Variants in PLPPR1 observed in about 807,000 individuals in gnomAD.
PLPPR1 encodes phospholipid phosphatase-related protein type 1.
A neutral mutation model predicts 33.1 loss-of-function variants in PLPPR1; 10 were observed. The observed-to-expected ratio is 0.30, with a 90% CI of 0.19 to 0.51. The LOEUF is 0.51. PLPPR1 is among the 20% of genes least tolerant of loss of function. The pLI, the probability that PLPPR1 is intolerant of heterozygous loss-of-function variation, is 0.97. For synonymous variants in PLPPR1, 151 were observed against 151.0 expected (o/e 1.00, Z 0.00); for missense variants, 304 against 408.1 (o/e 0.74, Z 2.20).
chr9:101,208,638 T>G (rs1826631569), intron 2 of PLPPR1, among the ~76,000 whole-genome samples: 1 of 152,236 alleles, frequency 6.6e-6, no homozygotes, highest in Non-Finnish European at 1.5e-5. Context: ...TATAATATCC[T>G]TGGGGTAGAA....
At chr9:101,071,497 T>C (rs553744282) in intron 1 of PLPPR1, among the ~76,000 whole-genome samples, 6 of 152,056 alleles carry the variant, frequency 3.9e-5, no homozygotes, top group African/African-American at 1.4e-4. Flanking sequence ...GTGCCAGACA[T>C]AGTGTCAGCT....
intron 3 of PLPPR1, among the ~76,000 whole-genome samples, chr9:101,273,465 A>G (rs1289393401): frequency 6.6e-6 from 1 of 152,158 alleles, no homozygotes; most frequent in East Asian, 1.9e-4. Context: ...TGTAGCCCCC[A>G]TTCACCTGAG....
intron 1 of PLPPR1, among the ~76,000 whole-genome samples, chr9:101,134,633 C>A (rs533833890): frequency 2.9e-4 from 44 of 152,268 alleles, no homozygotes; most frequent in Admixed American, 5.9e-4. Context: ...ATTTGCCCAC[C>A]TCAGCCTCCC....
intron 1 of PLPPR1, among the ~76,000 whole-genome samples, chr9:101,136,326 A>G (rs534935522): frequency 7.2e-5 from 11 of 152,346 alleles, no homozygotes; most frequent in Non-Finnish European, 1.2e-4. Context: ...GGTCAGTATT[A>G]GAGTTGAGAG....
intron 7 of PLPPR1, 78 bp from the exon 8 acceptor site, chr9:101,323,947 G>C: frequency 3.2e-6 from 4 of 1,242,686 alleles, no homozygotes; most frequent in Non-Finnish European, 4.7e-6. Flanking sequence ...CAAAACAAGG[G>C]AATATTTAGG....
intron 4 of PLPPR1, among the ~76,000 whole-genome samples, chr9:101,286,667 G>T (rs78917859): frequency 1.3e-5 from 2 of 152,106 alleles, no homozygotes; most frequent in Non-Finnish European, 1.5e-5. Flanking sequence ...CAGCCATCAG[G>T]TTCTTGAAAA....
intron 2 of PLPPR1, among the ~76,000 whole-genome samples, chr9:101,195,629 T>C (rs1459038323): frequency 6.6e-6 from 1 of 152,104 alleles, no homozygotes; most frequent in Non-Finnish European, 1.5e-5. Context: ...TCTGAATACC[T>C]GTCATTCCAA....
intron 2 of PLPPR1, among the ~76,000 whole-genome samples, chr9:101,248,912 G>T (rs1019035395): frequency 1.3e-5 from 2 of 151,976 alleles, no homozygotes; most frequent in African/African-American, 4.8e-5. Context: ...CTCAAAAAGT[G>T]GTCTTAAGAT....
intron 2 of PLPPR1, among the ~76,000 whole-genome samples, chr9:101,232,370 G>A (rs561016228): frequency 2.4e-4 from 37 of 151,910 alleles, no homozygotes; most frequent in Non-Finnish European, 3.7e-4. Flanking sequence ...GGGACAACTG[G>A]GCAACTGGGC....
chr9:101,304,898 A>T (rs1000931380), intron 4 of PLPPR1, among the ~76,000 whole-genome samples: 1 of 152,160 alleles, frequency 6.6e-6, no homozygotes, highest in Non-Finnish European at 1.5e-5. Flanking sequence ...ACGTGGATCT[A>T]GTCCTCTTGG....
chr9:101,134,474 C>G (rs1831353713), intron 1 of PLPPR1, among the ~76,000 whole-genome samples: 1 of 151,792 alleles, frequency 6.6e-6, no homozygotes, highest in South Asian at 2.1e-4. Context: ...CCTCTGCCTC[C>G]TGGGCTCAAG....
intron 2 of PLPPR1, among the ~76,000 whole-genome samples, chr9:101,255,592 T>C (rs995410148): frequency 4.6e-5 from 7 of 152,206 alleles, no homozygotes; most frequent in Admixed American, 3.9e-4. Context: ...GATGTAATTA[T>C]TTCCATTTTT....
At chr9:101,157,048 A>T (rs868337793) in intron 1 of PLPPR1, among the ~76,000 whole-genome samples, 42 of 152,326 alleles carry the variant, frequency 2.8e-4, no homozygotes, top group African/African-American at 9.4e-4. Context: ...CCTGGAGATA[A>T]GGAACATAAA....
At chr9:101,203,718 T>TTATATAGATATGTTATATATCTATA (rs1826535710) in intron 2 of PLPPR1, among the ~76,000 whole-genome samples, 4 of 144,982 alleles carry the variant, frequency 2.8e-5, no homozygotes, top group African/African-American at 5.0e-5. Flanking sequence ...TATATACACA[T>TTATATAGATATGTTATATATCTATA]TATATAGATA....
intron 1 of PLPPR1, among the ~76,000 whole-genome samples, chr9:101,057,730 G>A (rs1830294840): frequency 6.6e-6 from 1 of 152,158 alleles, no homozygotes; most frequent in Admixed American, 6.5e-5. Context: ...TAAATAAGAA[G>A]CCTGGAGGTT....
intron 1 of PLPPR1, among the ~76,000 whole-genome samples, chr9:101,149,600 T>G (rs1186403256): frequency 6.6e-6 from 1 of 152,200 alleles, no homozygotes; most frequent in Non-Finnish European, 1.5e-5. Flanking sequence ...CTTTAGAATT[T>G]TATCCATGGT....
intron 4 of PLPPR1, among the ~76,000 whole-genome samples, chr9:101,292,397 T>C (rs1031909502): frequency 1.3e-5 from 2 of 152,114 alleles, no homozygotes; most frequent in Non-Finnish European, 2.9e-5. Flanking sequence ...ACTTCCCCAA[T>C]CTAGCAAGGC....
chr9:101,160,537 C>T (rs975653959), intron 1 of PLPPR1, among the ~76,000 whole-genome samples: 2 of 152,064 alleles, frequency 1.3e-5, no homozygotes, highest in African/African-American at 4.8e-5. Flanking sequence ...AAAATAAAGA[C>T]TATATATTCC....
At chr9:101,170,097 T>C (rs1825918320) in intron 1 of PLPPR1, among the ~76,000 whole-genome samples, 1 of 152,120 alleles carries the variant, frequency 6.6e-6, no homozygotes. Flanking sequence ...TAACAATTAC[T>C]GTGTACCTAC....
Sources: gnomAD v4.1 joint callset for allele counts (sites outside exome capture counted in the v4.1 genomes callset) on GRCh38, gnomAD v4.1.1 for gene constraint, MANE v1.5 for transcripts, NCBI Gene and HGNC (gene_info 2026-07-23, HGNC 2026-07-21) for gene names.